P2RY14: variants seen among roughly 807,000 people sequenced by gnomAD.
P2RY14 encodes purinergic receptor P2Y14.
A neutral mutation model predicts 0.9 loss-of-function variants in P2RY14; 2 were observed. The observed-to-expected ratio is 2.16, with a 90% CI of 0.88 to 6.79. The LOEUF (loss-of-function observed/expected upper bound fraction) is 6.79. Ranked by LOEUF, P2RY14 falls within the 30% of genes most tolerant of loss-of-function variation. The pLI is 0.05. For missense variants in P2RY14, 378 were observed against 400.1 expected (o/e 0.94, Z 0.47); for synonymous variants, 158 against 147.2 (o/e 1.07, Z -0.53).
At chr3:151,242,072 A>C (rs1734237507) in intron 1 of P2RY14, among the ~76,000 whole-genome samples, 1 of 152,194 alleles carries the variant, frequency 6.6e-6, no homozygotes, top group African/African-American at 2.4e-5. Context: ...CGACGGGCTT[A>C]AAAAACGGGG....
intron 1 of P2RY14, chr3:151,270,043 T>C (rs572302826): frequency 1.1e-3 from 249 of 227,604 alleles, no homozygotes; most frequent in Non-Finnish European, 1.7e-3. Flanking sequence ...TGGGAAGATA[T>C]TGATAAAGAA....
intron 1 of P2RY14, among the ~76,000 whole-genome samples, chr3:151,258,085 T>G (rs997066747): frequency 6.6e-6 from 1 of 152,234 alleles, no homozygotes; most frequent in Non-Finnish European, 1.5e-5. Flanking sequence ...ACCATTCCAA[T>G]CTGTGGGTCC....
At chr3:151,232,837 G>C (rs1577054441) in intron 1 of P2RY14, among the ~76,000 whole-genome samples, 1 of 152,130 alleles carries the variant, frequency 6.6e-6, no homozygotes. Context: ...TTGGGTACTA[G>C]ACTTAGTACC....
intron 2 of P2RY14, among the ~76,000 whole-genome samples, chr3:151,217,431 A>G (rs1728456618): frequency 1.3e-5 from 2 of 152,162 alleles, no homozygotes; most frequent in Non-Finnish European, 2.9e-5. Context: ...ATTCCCCTTC[A>G]CTGCTCCCAC....
At chr3:151,230,766 C>T (rs550780692) in intron 1 of P2RY14, among the ~76,000 whole-genome samples, 105 of 152,246 alleles carry the variant, frequency 6.9e-4, no homozygotes, top group Non-Finnish European at 1.1e-3. Flanking sequence ...ACCCCAATAG[C>T]TGTAAACTTG....
intron 1 of P2RY14, among the ~76,000 whole-genome samples, chr3:151,247,962 C>T (rs376598867): frequency 7.2e-4 from 55 of 75,880 alleles, no homozygotes; most frequent in African/African-American, 1.8e-3. Context: ...TCTTCTTCTT[C>T]TTTTTTTTTT....
chr3:151,277,582 G>A (rs902591380), intron 1 of P2RY14, among the ~76,000 whole-genome samples: 1 of 152,114 alleles, frequency 6.6e-6, no homozygotes, highest in Non-Finnish European at 1.5e-5. Flanking sequence ...GCATGGGCTT[G>A]GTTGAATAAG....
chr3:151,253,303 G>A (rs554459805), intron 1 of P2RY14, among the ~76,000 whole-genome samples: 31 of 152,246 alleles, frequency 2.0e-4, no homozygotes, highest in African/African-American at 7.2e-4. Context: ...GCACTGTGCC[G>A]GAAACCATTG....
chr3:151,222,483 A>G (rs1269246077), intron 1 of P2RY14, among the ~76,000 whole-genome samples: 2 of 152,124 alleles, frequency 1.3e-5, no homozygotes, highest in African/African-American at 2.4e-5. Flanking sequence ...TTATGGGAGT[A>G]GATCTTTCTG....
In P2RY14 at chr3:151,213,049, G is replaced by C. The variant is rs6782821; in HGVS notation, c.*251C>G. The C allele has an allele frequency of 1.0e-4, 25 of 244,540 alleles. No individual in the cohort carries two copies. Among genetic ancestry groups the C allele is most frequent in the Non-Finnish European group, 1.8e-4 (23 of 130,228 alleles). The allele number at this position is 244,540 out of a possible 1,614,324, so 15.1% of individuals were successfully genotyped here. ...TAACTTATTTTAATATAATAGAATT[G>C]AATAATTGTATGTATTAATTTTTTA... On this transcript the variant is annotated 3_prime_UTR_variant, in exon 3 of 3. Coordinates refer to ENST00000309170, the MANE Select transcript of P2RY14 (RefSeq NM_014879.4).
chr3:151,278,121 T>C (rs1231978985), intron 1 of P2RY14, among the ~76,000 whole-genome samples, 166 bp downstream of exon 1: 2 of 152,168 alleles, frequency 1.3e-5, no homozygotes, highest in South Asian at 2.1e-4. Flanking sequence ...AATATATTAA[T>C]ATACCAATTA....
At chr3:151,248,042 C>G (rs546424611) in intron 1 of P2RY14, among the ~76,000 whole-genome samples, 3 of 120,406 alleles carry the variant, frequency 2.5e-5, no homozygotes, top group Non-Finnish European at 4.9e-5. Flanking sequence ...TCTAAATTAT[C>G]TATTAGTCTA....
At chr3:151,222,564 A>C (rs948694067) in intron 1 of P2RY14, among the ~76,000 whole-genome samples, 1 of 152,178 alleles carries the variant, frequency 6.6e-6, no homozygotes, top group African/African-American at 2.4e-5. Context: ...GCCCTGCACA[A>C]GCTCTCTTCT....
chr3:151,218,727 TGTG>T (rs1425301835), intron 2 of P2RY14, among the ~76,000 whole-genome samples: 1 of 150,962 alleles, frequency 6.6e-6, no homozygotes, highest in Non-Finnish European at 1.5e-5. Flanking sequence ...ATTAGCCAGG[TGTG>T]GTGGCATACA....
In P2RY14 at chr3:151,269,092, A is replaced by G. The variant is rs146671952; in HGVS notation, c.-133+9195T>C. Among the ~76,000 whole-genome samples, 10 of 152,234 alleles carry G rather than the reference A, an allele frequency of 6.6e-5. No homozygotes were observed. The East Asian group carries it at 1.9e-3, about 29-fold the overall frequency. On this transcript the variant is annotated intron_variant, in intron 1 of 2. Transcript: ENST00000309170. ...AGGGAGAAAAAGAACAGAAAGAAGC[A>G]ATTGAATATATTGACGACGTACAAA...
rs577532024 is a variant in P2RY14, at chr3:151,217,648, G to T, written c.-25+1887C>A. 4.6e-5 allele frequency among the ~76,000 whole-genome samples: 7 copies of T among 152,302 alleles called. No homozygotes were observed. In the South Asian group the frequency reaches 1.2e-3, roughly 27 times the overall value. ...TGGTTGGGTGCCTCTGCTACCCTGT[G>T]CCACTGTCTGGTTTGATACAGCAGA... On this transcript the variant is annotated intron_variant, in intron 2 of 2. Coordinates refer to ENST00000309170, the MANE Select transcript of P2RY14 (RefSeq NM_014879.4).
At chr3:151,276,753 A>G (rs935669234) in intron 1 of P2RY14, among the ~76,000 whole-genome samples, 1 of 152,100 alleles carries the variant, frequency 6.6e-6, no homozygotes, top group Non-Finnish European at 1.5e-5. Context: ...GGATAGTCAC[A>G]CCCTCTGTAC....
chr3:151,277,954 C>T (rs902515564), intron 1 of P2RY14, among the ~76,000 whole-genome samples: 1 of 152,174 alleles, frequency 6.6e-6, no homozygotes, highest in East Asian at 1.9e-4. Flanking sequence ...TTTTAATACA[C>T]ATTTACGAGC....
rs974298115 is a variant in P2RY14, at chr3:151,212,767, TTGTC to T, written c.*529_*532del. 6.6e-6 allele frequency: 1 copy of T among 152,140 alleles called. No homozygotes were observed. The highest frequency in any genetic ancestry group is 1.5e-5 in the Non-Finnish European group (1 of 68,034). The allele number at this position is 152,140 out of a possible 1,614,324, so 9.4% of individuals were successfully genotyped here. A position where few individuals can be genotyped will look rare whatever the true frequency, so the allele number is the denominator to read the frequency against. ...CATCAATAAGGGGTTTCTTAAGTGA[TTGTC>T]TGGGTGTCAGCTTTTCCTGCTTCTT... On this transcript the variant is annotated 3_prime_UTR_variant, in exon 3 of 3. Transcript: ENST00000309170.
Sources: gnomAD v4.1 joint callset for allele counts (sites outside exome capture counted in the v4.1 genomes callset) on GRCh38, gnomAD v4.1.1 for gene constraint, MANE v1.5 for transcripts, NCBI Gene and HGNC (gene_info 2026-07-23, HGNC 2026-07-21) for gene names.